The following FYN variants were observed in gnomAD, a reference collection of about 807,000 sequenced individuals.
FYN encodes FYN proto-oncogene, Src family tyrosine kinase, also known as tyrosine-protein kinase Fyn.
In FYN, 10 loss-of-function variants were observed where a neutral mutation model predicts 70.2. The observed-to-expected ratio is 0.14, with a 90% CI of 0.09 to 0.24. FYN has a LOEUF of 0.24. FYN is among the 10% of genes least tolerant of loss of function. The pLI, the probability that FYN is intolerant of heterozygous loss-of-function variation, is 1.00. For missense variants in FYN, 319 were observed against 673.1 expected, an observed-to-expected ratio of 0.47 and a Z score of 5.82; for synonymous variants, 236 against 248.6, an observed-to-expected ratio of 0.95 and a Z score of 0.48.
chr6:111,792,735 T>C (rs9481189), intron 2 of FYN, among the ~76,000 whole-genome samples: 47,285 of 152,174 alleles, frequency 0.31, 12,014 homozygotes, highest in African/African-American at 0.71. Flanking sequence ...GGCTGTCCCC[T>C]AGTCTTGCGG....
At chr6:111,699,458 C>G (rs1412401402) in intron 9 of FYN, 11 of 1,567,312 alleles carry the variant, frequency 7.0e-6, no homozygotes, top group Non-Finnish European at 8.7e-6. Flanking sequence ...TTGTTCAAAA[C>G]CATCCTTTTA....
At chr6:111,690,348 G>A (rs907091220) in intron 12 of FYN, among the ~76,000 whole-genome samples, 9 of 152,122 alleles carry the variant, frequency 5.9e-5, no homozygotes, top group Non-Finnish European at 1.2e-4. Flanking sequence ...GAGACCCAGT[G>A]AGGGCACCCC....
At chr6:111,691,772 CCTCT>C (rs1215527165) in intron 12 of FYN, among the ~76,000 whole-genome samples, 3 of 152,188 alleles carry the variant, frequency 2.0e-5, no homozygotes, top group Non-Finnish European at 4.4e-5. Context: ...TATGACTAAT[CCTCT>C]CTATCTTTAT....
intron 3 of FYN, among the ~76,000 whole-genome samples, chr6:111,739,527 G>T (rs759007166): frequency 6.6e-6 from 1 of 152,228 alleles, no homozygotes; most frequent in African/African-American, 2.4e-5. Flanking sequence ...AGGCCCCGCC[G>T]CTGGGCAGTT....
intron 2 of FYN, chr6:111,819,802 C>T (rs1175095305): frequency 6.6e-6 from 1 of 152,032 alleles, no homozygotes; most frequent in Non-Finnish European, 1.5e-5. Context: ...GTCTCATCTC[C>T]CCCACTTTAA....
chr6:111,699,042 C>G (rs931817685), intron 9 of FYN, among the ~76,000 whole-genome samples: 1 of 152,224 alleles, frequency 6.6e-6, no homozygotes, highest in African/African-American at 2.4e-5. Context: ...AATATCGCGC[C>G]ATTGCACTCC....
chr6:111,666,197 T>C (rs1419137054), intron 13 of FYN, among the ~76,000 whole-genome samples: 1 of 152,160 alleles, frequency 6.6e-6, no homozygotes, highest in Non-Finnish European at 1.5e-5. Flanking sequence ...ACATGGTGTC[T>C]GAGCACATTT....
rs564936325 is a variant in FYN, at chr6:111,849,700, G to A, written c.-122-3071C>T. On this transcript the variant is annotated intron_variant, in intron 1 of 13. Transcript: ENST00000354650. ...CCTGCCTCTATCCCAGGAAAGGGCC[G>A]AAAAAGAAAGGCAGCCCCCAATAAT... Among the ~76,000 whole-genome samples the A allele has an allele frequency of 2.5e-4, 38 of 152,288 alleles. 1 individual carries two copies. Among genetic ancestry groups the A allele is most frequent in the Middle Eastern group, 3.4e-3 (1 of 294 alleles).
rs1798943165 is a variant in FYN at position 111,685,139 on chromosome 6, C to T, written c.1273+9236G>A. Among the ~76,000 whole-genome samples the T allele has an allele frequency of 2.0e-5, 3 of 152,244 alleles. No individual in the cohort carries two copies. In the South Asian group the frequency reaches 6.2e-4, roughly 31 times the overall value. On this transcript the variant is annotated intron_variant, in intron 12 of 13. Coordinates refer to ENST00000354650, the MANE Select transcript of FYN (RefSeq NM_002037.5). Reference sequence around the variant, plus strand: ...GACAAGAGCTTTGTAACCAACTGCACACTGCTGCCCAGGGTGGTGAGAGGA... The same window carrying T: ...GACAAGAGCTTTGTAACCAACTGCATACTGCTGCCCAGGGTGGTGAGAGGA...
chr6:111,707,685 T>A (rs1161960639), intron 6 of FYN, among the ~76,000 whole-genome samples: 1 of 152,198 alleles, frequency 6.6e-6, no homozygotes, highest in Non-Finnish European at 1.5e-5. Context: ...TGGCTTTTCA[T>A]TTAGGGTATT....
intron 1 of FYN, among the ~76,000 whole-genome samples, chr6:111,857,056 C>T (rs1773840970): frequency 6.6e-6 from 1 of 152,186 alleles, no homozygotes; most frequent in South Asian, 2.1e-4. Flanking sequence ...CCCCCTCTCT[C>T]ATTTGAGTGT....
At chr6:111,739,224 T>C (rs1446975486) in intron 3 of FYN, among the ~76,000 whole-genome samples, 1 of 152,228 alleles carries the variant, frequency 6.6e-6, no homozygotes, top group Non-Finnish European at 1.5e-5. Flanking sequence ...GCACCAGCAG[T>C]GCACGGAGGG....
intron 12 of FYN, among the ~76,000 whole-genome samples, chr6:111,680,372 G>C (rs1335169434): frequency 3.3e-5 from 5 of 152,200 alleles, no homozygotes; most frequent in Non-Finnish European, 7.3e-5. Context: ...CTACAATAAA[G>C]TGCTATGAAG....
chr6:111,708,509 C>T (rs1304303202), intron 5 of FYN, among the ~76,000 whole-genome samples: 2 of 152,114 alleles, frequency 1.3e-5, no homozygotes, highest in Non-Finnish European at 2.9e-5. Context: ...AACATCTTAA[C>T]ATTGGGAGGT....
chr6:111,689,439 T>C (rs1799204649), intron 12 of FYN, among the ~76,000 whole-genome samples: 1 of 152,212 alleles, frequency 6.6e-6, no homozygotes, highest in Admixed American at 6.5e-5. Context: ...TGCCCTGTAA[T>C]TACCAATTCC....
intron 2 of FYN, among the ~76,000 whole-genome samples, chr6:111,808,605 T>C (rs1305723006): frequency 3.3e-5 from 5 of 152,336 alleles, no homozygotes; most frequent in Non-Finnish European, 7.3e-5. Flanking sequence ...ACTGACGTTG[T>C]ACATAGAAGT....
chr6:111,750,706 C>T (rs1405264801), intron 3 of FYN, among the ~76,000 whole-genome samples: 1 of 145,090 alleles, frequency 6.9e-6, no homozygotes, highest in African/African-American at 2.6e-5. Context: ...CATGCCAGTA[C>T]AATTCATGTC....
Position 111,873,407 on chromosome 6 carries a change from C to G in FYN, c.-562G>C, listed in dbSNP as rs1212551734. The G allele has an allele frequency of 2.6e-5, 4 of 151,912 alleles. No homozygotes were observed. The highest frequency in any genetic ancestry group is 2.0e-4 in the Admixed American group (3 of 15,280). The allele number at this position is 151,912 out of a possible 1,614,324, so 9.4% of individuals were successfully genotyped here. On this transcript the variant is annotated 5_prime_UTR_variant, in exon 1 of 14. Transcript: ENST00000354650. ...AGATGGCGCAACTGCAACGACGCGC[C>G]GCCGCCACCAGCGCGGCTGCTCGCT...
intron 13 of FYN, among the ~76,000 whole-genome samples, chr6:111,665,991 TCTC>T (rs1401481520): frequency 6.8e-5 from 10 of 146,706 alleles, no homozygotes; most frequent in African/African-American, 1.8e-4. Context: ...TTTTCCTTTT[TCTC>T]CTTTTTTTTT....
Sources: gnomAD v4.1 joint callset for allele counts (sites outside exome capture counted in the v4.1 genomes callset) on GRCh38, gnomAD v4.1.1 for gene constraint, MANE v1.5 for transcripts, NCBI Gene and HGNC (gene_info 2026-07-23, HGNC 2026-07-21) for gene names.